Variants in PIAS3 observed in about 807,000 individuals in gnomAD.
PIAS3 encodes protein inhibitor of activated STAT 3, also known as E3 SUMO-protein ligase PIAS3.
A neutral mutation model predicts 67.6 loss-of-function variants in PIAS3; 34 were observed. The ratio of observed to expected loss-of-function variants is 0.50; its 90% confidence interval spans 0.38 to 0.67. The LOEUF (loss-of-function observed/expected upper bound fraction) is 0.67. Ranked by LOEUF, PIAS3 falls within the 30% of genes least tolerant of loss-of-function variation. The pLI is 0.00. For missense variants in PIAS3, 693 were observed against 791.6 expected (o/e 0.88, Z 1.49); for synonymous variants, 341 against 313.8 (o/e 1.09, Z -0.92).
rs1652855091 is a variant in PIAS3 at position 145,849,209 on chromosome 1, GCCA to G, written c.*234_*236del. 2.7e-6 allele frequency: 1 copy of G among 368,898 alleles called. No individual in the cohort carries two copies. Among genetic ancestry groups the G allele is most frequent in the Non-Finnish European group, 4.8e-6 (1 of 208,412 alleles). The allele number at this position is 368,898 out of a possible 1,614,324, so 22.9% of individuals were successfully genotyped here. A position where few individuals can be genotyped will look rare whatever the true frequency, so the allele number is the denominator to read the frequency against. Reference sequence around the variant, plus strand: ...TAGGTTAACATACCCAAAGGAATGTGCCACCATCTAAAGAACATTTCCAGAAAC... The same window carrying G: ...TAGGTTAACATACCCAAAGGAATGTGCCATCTAAAGAACATTTCCAGAAAC... On this transcript the variant is annotated 3_prime_UTR_variant, in exon 14 of 14. Coordinates refer to ENST00000393045, the MANE Select transcript of PIAS3 (RefSeq NM_006099.3).
rs782115479 is a variant in PIAS3 at position 145,858,949 on chromosome 1, G to C, written c.24+18C>G. 1 of 1,520,538 alleles carries C rather than the reference G, an allele frequency of 6.6e-7. No individual in the cohort carries two copies. Among genetic ancestry groups the C allele is most frequent in the African/African-American group, 1.4e-5 (1 of 69,202 alleles). 94.2% of individuals were successfully genotyped at this position (1,520,538 alleles called of 1,614,324 possible). ...GCCGGGCTGAGTCCAGATGGGGATG[G>C]GGGGAGGGGGCCGGTACCTTTAATT... On this transcript the variant is annotated intron_variant, in intron 1 of 13. Coordinates refer to ENST00000393045, the MANE Select transcript of PIAS3 (RefSeq NM_006099.3).
chr1:145,851,682 C>T (rs1323541914), intron 9 of PIAS3, among the ~76,000 whole-genome samples: 1 of 142,354 alleles, frequency 7.0e-6, no homozygotes, highest in Non-Finnish European at 1.5e-5. Context: ...AAAAAGCCGG[C>T]GTGGTGGCTC....
intron 12 of PIAS3, 90 bp from the exon 13 acceptor site, chr1:145,850,359 G>T: frequency 6.2e-7 from 1 of 1,611,460 alleles, no homozygotes; most frequent in African/African-American, 1.3e-5. Context: ...CCCCTTGCAG[G>T]AGAAGCAGGA....
chr1:145,852,887 A>G (rs1474302390), intron 9 of PIAS3, among the ~76,000 whole-genome samples: 1 of 152,138 alleles, frequency 6.6e-6, no homozygotes, highest in Non-Finnish European at 1.5e-5. Flanking sequence ...AGCCGAGTCC[A>G]TAGGGTTATT....
rs782722220 is a variant in PIAS3 at position 145,854,817 on chromosome 1, T to A, written c.733A>T (p.Thr245Ser). 1.2e-6 allele frequency: 2 copies of A among 1,613,948 alleles called. No individual in the cohort carries two copies. Among genetic ancestry groups the A allele is most frequent in the Non-Finnish European group, 8.5e-7 (1 of 1,179,974 alleles). Residue 245 changes from threonine to serine, a missense_variant, in exon 6 of 14, where the codon ACA becomes TCA. By Grantham distance (58) the Thr-to-Ser change is moderately conservative (BLOSUM62 1). This residue lies in a region of PIAS3 where 308 missense variants were observed against 348.8 expected (regional missense o/e 0.88). Coordinates refer to ENST00000393045, the MANE Select transcript of PIAS3 (RefSeq NM_006099.3). ...PKRPSRPINI[T>S]PLARLSATVP... ...GTGGCTGAGAGTCGAGCCAGGGGTG[T>A]GATGTTGATGGGGCGGCTGGGCCTC...
rs782185737 is a variant in PIAS3, at chr1:145,853,601, C to T, written c.1048G>A (p.Asp350Asn). ...ALTCAHLQSFDAALYLQMNEK... is the reference protein window; with the variant it reads ...ALTCAHLQSFNAALYLQMNEK... ...TTCATCTGTAGATAAAGGGCAGCAT[C>T]GAAGCTCTGCAGGTGGGCGCAGGTG... The change falls in exon 9 of 14, where the codon GAT (aspartate) becomes AAT (asparagine). Residue 350 changes from aspartate (D) to asparagine (N), a missense_variant. By Grantham distance (23) the Asp-to-Asn change is conservative. Coordinates refer to ENST00000393045, the MANE Select transcript of PIAS3 (RefSeq NM_006099.3). 1.2e-6 allele frequency: 2 copies of T among 1,613,978 alleles called. No individual in the cohort carries two copies. Among genetic ancestry groups the T allele is most frequent in the Non-Finnish European group, 1.7e-6 (2 of 1,179,950 alleles).
At chr1:145,858,945 GA>G in intron 1 of PIAS3, 21 bp downstream of exon 1, 1 of 1,519,272 alleles carries the variant, frequency 6.6e-7, no homozygotes, top group Non-Finnish European at 8.8e-7. Flanking sequence ...TCCAGATGGG[GA>G]TGGGGGGAGG....
At chr1:145,857,194 G>A in intron 1 of PIAS3, 188 bp from the exon 2 acceptor site, 1 of 606,138 alleles carries the variant, frequency 1.6e-6, no homozygotes, top group East Asian at 2.7e-5. Flanking sequence ...TCCCACTTTA[G>A]CAACCATCAG....
chr1:145,854,850 C>G lies in PIAS3; in HGVS notation c.700G>C (p.Glu234Gln). 1 of 1,614,080 alleles carries G rather than the reference C, an allele frequency of 6.2e-7. No individual in the cohort carries two copies. The highest frequency in any genetic ancestry group is 1.3e-5 in the African/African-American group (1 of 75,022). Residue 234 changes from glutamate (E) to glutamine (Q), a missense_variant, in exon 6 of 14, where the codon GAG becomes CAG. By Grantham distance (29) the Glu-to-Gln change is conservative. This residue lies in a region of PIAS3 where 308 missense variants were observed against 348.8 expected (regional missense o/e 0.88). Transcript: ENST00000393045. ...ATGGGGCGGCTGGGCCTCTTGGGCT[C>G]GGCCCCATTCTTGGTTGGGGGAAGG... ...GYLPPTKNGAEPKRPSRPINI... is the reference protein window; with the variant it reads ...GYLPPTKNGAQPKRPSRPINI...
Position 145,852,222 on chromosome 1 carries a change from T to C in PIAS3, c.1146-1069A>G, listed in dbSNP as rs587703182. Among the ~76,000 whole-genome samples the C allele has an allele frequency of 2.6e-5, 4 of 152,190 alleles. No homozygotes were observed. In the East Asian group the frequency reaches 7.7e-4, roughly 29 times the overall value. ...GCAGTGAGCTATGATTGTGCTACTA[T>C]ACTCCAGTCTGGGCAACAGAACGAG... On this transcript the variant is annotated intron_variant, in intron 9 of 13. Transcript: ENST00000393045.
chr1:145,850,169 C>T lies in PIAS3; in HGVS notation c.1620+63G>A, dbSNP rs1264438906. 2.5e-6 allele frequency: 4 copies of T among 1,611,586 alleles called. No individual in the cohort carries two copies. The East Asian group carries it at 6.7e-5, about 27-fold the overall frequency. On this transcript the variant is annotated intron_variant, in intron 13 of 13. Coordinates refer to ENST00000393045, the MANE Select transcript of PIAS3 (RefSeq NM_006099.3). ...CAGAGATCATAAGAGAGGGAGGGGCCCCATCAGTGTCTAGAAAGGAAGCTT... is the reference window on the plus strand; with the variant it reads ...CAGAGATCATAAGAGAGGGAGGGGCTCCATCAGTGTCTAGAAAGGAAGCTT...
At chr1:145,855,483 C>CAA (rs200826641) in intron 5 of PIAS3, among the ~76,000 whole-genome samples, 29 of 129,498 alleles carry the variant, frequency 2.2e-4, no homozygotes, top group South Asian at 2.4e-4. Flanking sequence ...GACTCTGTCT[C>CAA]AAAAAAAAAA....
rs1260499939 is a variant in PIAS3, at chr1:145,859,080, C to A, written c.-90G>T. On this transcript the variant is annotated 5_prime_UTR_variant, in exon 1 of 14. Coordinates refer to ENST00000393045, the MANE Select transcript of PIAS3 (RefSeq NM_006099.3). ...TCCACCCTGGCGCCGGCCGCAAATG[C>A]CGCCTGCTCCGCCCAGTCCGGCCCC... 22 of 1,328,252 alleles carry A rather than the reference C, an allele frequency of 1.7e-5. No homozygotes were observed. In the Middle Eastern group the frequency reaches 6.9e-4, roughly 42 times the overall value. The allele number at this position is 1,328,252 out of a possible 1,614,324, so 82.3% of individuals were successfully genotyped here.
intron 9 of PIAS3, 63 bp downstream of exon 9, chr1:145,853,441 G>GAAAAAA: frequency 3.4e-6 from 4 of 1,179,352 alleles, no homozygotes; most frequent in South Asian, 1.7e-5. Flanking sequence ...AAAAGAAAAA[G>GAAAAAA]AAATAACCAA....
In PIAS3 at chr1:145,856,665, A is replaced by G. The variant is rs1653200570; in HGVS notation, c.366T>C (p.Pro122=). 1 of 1,600,152 alleles carries G rather than the reference A, an allele frequency of 6.2e-7. No individual in the cohort carries two copies. The highest frequency in any genetic ancestry group is 8.5e-7 in the Non-Finnish European group (1 of 1,171,854). Residue 122 remains proline, a synonymous_variant, in exon 2 of 14, where the codon CCT becomes CCC. Transcript: ENST00000393045. The part of the protein sequence containing the change: ...EVDMHPPLPQ[P]VHPDVTMKPL... ...GTTTCATGGTGACATCAGGGTGCAC[A>G]GGCTGGGGCAGAGGGGGGTGCATGT...
At chr1:145,855,300 G>A (rs1653121296) in intron 5 of PIAS3, among the ~76,000 whole-genome samples, 1 of 152,026 alleles carries the variant, frequency 6.6e-6, no homozygotes. Context: ...TAGCTAACAT[G>A]GTAAAACTCC....
intron 9 of PIAS3, among the ~76,000 whole-genome samples, chr1:145,852,039 C>T (rs1040367911): frequency 4.6e-5 from 7 of 151,416 alleles, no homozygotes; most frequent in Admixed American, 1.3e-4. Flanking sequence ...AGTCCATAAA[C>T]CATCTCCAAA....
At chr1:145,852,691 A>T (rs1653011326) in intron 9 of PIAS3, among the ~76,000 whole-genome samples, 4 of 152,048 alleles carry the variant, frequency 2.6e-5, no homozygotes, top group Admixed American at 2.0e-4. Flanking sequence ...CCTGGGTTCA[A>T]GCCATCCTCC....
intron 1 of PIAS3, 57 bp downstream of exon 1, chr1:145,858,910 G>A (rs1461094908): frequency 3.5e-6 from 5 of 1,444,304 alleles, no homozygotes; most frequent in Non-Finnish European, 4.6e-6. Context: ...GTCGCTTCCC[G>A]GACACGGCGT....
Sources: gnomAD v4.1 joint callset for allele counts (sites outside exome capture counted in the v4.1 genomes callset) on GRCh38, gnomAD v4.1.1 for gene constraint, gnomAD v4.1.1 regional missense constraint, MANE v1.5 for transcripts, NCBI Gene and HGNC (gene_info 2026-07-23, HGNC 2026-07-21) for gene names.